The following GRAMD2B variants were observed in gnomAD, a reference collection of about 807,000 sequenced individuals.
GRAMD2B encodes the protein GRAM domain containing 2B, also known as GRAM domain-containing protein 2B.
Under a neutral mutation model 59.2 loss-of-function variants are expected in GRAMD2B, and 41 were observed. The observed-to-expected ratio is 0.69, with a 90% CI of 0.54 to 0.90. The LOEUF (loss-of-function observed/expected upper bound fraction) is 0.90. GRAMD2B is among the 40% of genes least tolerant of loss of function. GRAMD2B has a pLI of 0.00. For missense variants in GRAMD2B, 424 were observed against 500.5 expected, an observed-to-expected ratio of 0.85 and a Z score of 1.46; for synonymous variants, 161 against 182.7, an observed-to-expected ratio of 0.88 and a Z score of 0.96.
intron 8 of GRAMD2B, 130 bp from the exon 9 acceptor site, chr5:126,483,333 G>A (rs189757208): frequency 3.3e-5 from 15 of 459,684 alleles, no homozygotes; most frequent in Middle Eastern, 2.9e-4. Flanking sequence ...AATCCCAGTC[G>A]TATGGAGTAA....
intron 1 of GRAMD2B, among the ~76,000 whole-genome samples, chr5:126,442,274 TTTTTC>T (rs1581013685): frequency 6.7e-6 from 1 of 150,088 alleles, no homozygotes; most frequent in East Asian, 1.9e-4. Context: ...CCTAAAATGC[TTTTTC>T]TTTTCTTTTT....
intron 1 of GRAMD2B, among the ~76,000 whole-genome samples, chr5:126,428,800 A>G (rs1323643812): frequency 6.6e-6 from 1 of 152,232 alleles, no homozygotes; most frequent in Non-Finnish European, 1.5e-5. Context: ...CTACATCACT[A>G]ATCATTAGCG....
chr5:126,419,045 C>T (rs959953948), upstream of GRAMD2B, among the ~76,000 whole-genome samples: 4 of 152,140 alleles, frequency 2.6e-5, no homozygotes, highest in African/African-American at 9.7e-5. Flanking sequence ...ATGATACTTA[C>T]CTATACTTAT....
intron 11 of GRAMD2B, among the ~76,000 whole-genome samples, chr5:126,485,986 G>A (rs1258644919): frequency 1.3e-5 from 2 of 152,160 alleles, no homozygotes; most frequent in Admixed American, 1.3e-4. Context: ...AGAGGACTAA[G>A]TTCTGAGTGG....
chr5:126,484,576 G>T (rs1288787913), intron 10 of GRAMD2B, 52 bp downstream of exon 10: 5 of 1,484,806 alleles, frequency 3.4e-6, no homozygotes, highest in Admixed American at 2.3e-5. Context: ...GGAGATGTCT[G>T]TTTGTAACTT....
At chr5:126,390,928 T>A (rs1480179720) in intron 1 of GRAMD2B, among the ~76,000 whole-genome samples, 1 of 152,186 alleles carries the variant, frequency 6.6e-6, no homozygotes, top group Non-Finnish European at 1.5e-5. Context: ...AGTTGGACTC[T>A]ACATGAAAAT....
chr5:126,455,865 T>G (rs1235372351), intron 1 of GRAMD2B, among the ~76,000 whole-genome samples: 1 of 152,212 alleles, frequency 6.6e-6, no homozygotes, highest in African/African-American at 2.4e-5. Flanking sequence ...TCTTTACAAT[T>G]AGAAGAGGTT....
At chr5:126,415,298 T>G (rs1759171367) in intron 1 of GRAMD2B, among the ~76,000 whole-genome samples, 1 of 152,222 alleles carries the variant, frequency 6.6e-6, no homozygotes, top group African/African-American at 2.4e-5. Flanking sequence ...TGTATCTGGT[T>G]GTGATATAAG....
At chr5:126,428,725 AAATGT>A (rs1443499751) in intron 1 of GRAMD2B, among the ~76,000 whole-genome samples, 2 of 152,190 alleles carry the variant, frequency 1.3e-5, no homozygotes, top group Non-Finnish European at 2.9e-5. Context: ...TTTAAATGGG[AAATGT>A]AAGAACAGAC....
intron 1 of GRAMD2B, among the ~76,000 whole-genome samples, chr5:126,442,973 T>G (rs1763553917): frequency 6.6e-6 from 1 of 152,212 alleles, no homozygotes; most frequent in South Asian, 2.1e-4. Context: ...TTTGGAAACT[T>G]CTTTCCTGAA....
chr5:126,367,270 C>A (rs1286714846), upstream of GRAMD2B, among the ~76,000 whole-genome samples: 13 of 152,136 alleles, frequency 8.5e-5, no homozygotes, highest in Non-Finnish European at 1.8e-4. Context: ...TCTTAAGGCA[C>A]AAATATTTCT....
intron 2 of GRAMD2B, among the ~76,000 whole-genome samples, chr5:126,466,022 T>C (rs1188863717): frequency 6.6e-6 from 1 of 152,170 alleles, no homozygotes; most frequent in African/African-American, 2.4e-5. Context: ...GGTTTTGAGA[T>C]GTGTAGCTGT....
upstream of GRAMD2B, among the ~76,000 whole-genome samples, chr5:126,369,805 G>A (rs561125049): frequency 4.7e-4 from 71 of 152,312 alleles, no homozygotes; most frequent in African/African-American, 1.7e-3. Context: ...GAGACAGAGA[G>A]TAACAGACTA....
intron 1 of GRAMD2B, among the ~76,000 whole-genome samples, chr5:126,447,139 TTGTC>T (rs1293153889): frequency 2.6e-5 from 4 of 152,172 alleles, no homozygotes; most frequent in African/African-American, 9.7e-5. Context: ...TGTCTAATCT[TTGTC>T]TGAAGGAATT....
chr5:126,395,793 T>A (rs904231618), intron 1 of GRAMD2B, among the ~76,000 whole-genome samples: 7 of 152,122 alleles, frequency 4.6e-5, no homozygotes, highest in African/African-American at 1.7e-4. Context: ...TGCACATGTA[T>A]ATGTGTTTCA....
intron 6 of GRAMD2B, chr5:126,480,174 G>A: frequency 3.1e-6 from 1 of 322,432 alleles, no homozygotes; most frequent in Non-Finnish European, 5.6e-6. Context: ...GCTTGTTTGA[G>A]GCACCAGTGA....
At chr5:126,406,984 T>C (rs1020506528) in intron 1 of GRAMD2B, among the ~76,000 whole-genome samples, 1 of 152,060 alleles carries the variant, frequency 6.6e-6, no homozygotes, top group Non-Finnish European at 1.5e-5. Flanking sequence ...AGCTATCTGC[T>C]CTGTGCATAA....
intron 1 of GRAMD2B, among the ~76,000 whole-genome samples, chr5:126,398,621 T>G (rs1473086674): frequency 6.6e-6 from 1 of 152,140 alleles, no homozygotes; most frequent in Non-Finnish European, 1.5e-5. Flanking sequence ...CTTTATGATT[T>G]CCTTCCTTCT....
At chr5:126,361,488 G>GGAAAAA (rs1754219231) in intron 1 of GRAMD2B, among the ~76,000 whole-genome samples, 1 of 34,138 alleles carries the variant, frequency 2.9e-5, no homozygotes, top group Non-Finnish European at 6.8e-5. Context: ...TTCCGAAATG[G>GGAAAAA]TAAAAAAAAA....
Sources: allele counts gnomAD v4.1 joint callset (sites outside exome capture counted in the v4.1 genomes callset), GRCh38; gene constraint gnomAD v4.1.1; transcripts MANE v1.5; gene names NCBI Gene and HGNC (gene_info 2026-07-23, HGNC 2026-07-21).